PPP1R9A: variants seen among roughly 807,000 people sequenced by gnomAD.
PPP1R9A encodes protein phosphatase 1 regulatory subunit 9A, also known as neurabin-1.
In PPP1R9A, 59 loss-of-function variants were observed where a neutral mutation model predicts 141.9. The observed-to-expected ratio is 0.42, with a 90% CI of 0.34 to 0.52. PPP1R9A has a LOEUF of 0.52. Ranked by LOEUF, PPP1R9A falls within the 20% of genes least tolerant of loss-of-function variation. The pLI is 0.10. For synonymous variants in PPP1R9A, 500 were observed against 569.7 expected (o/e 0.88, Z 1.74); for missense variants, 1,444 against 1,611.9 (o/e 0.90, Z 1.78).
At chr7:95,258,298 G>T (rs1194912097) in intron 12 of PPP1R9A, among the ~76,000 whole-genome samples, 2 of 152,066 alleles carry the variant, frequency 1.3e-5, no homozygotes, top group Non-Finnish European at 2.9e-5. Flanking sequence ...TGTGTCTTTT[G>T]GCTGCATAAA....
intron 2 of PPP1R9A, among the ~76,000 whole-genome samples, chr7:95,110,367 T>G (rs1353737102): frequency 6.6e-6 from 1 of 152,156 alleles, no homozygotes; most frequent in South Asian, 2.1e-4. Context: ...TTATGATTTT[T>G]GGGGGAGCAC....
At chr7:95,023,252 T>C (rs1455566096) in intron 2 of PPP1R9A, among the ~76,000 whole-genome samples, 1 of 152,208 alleles carries the variant, frequency 6.6e-6, no homozygotes, top group African/African-American at 2.4e-5. Flanking sequence ...CTAGATTTTC[T>C]AGTTTATTTT....
intron 16 of PPP1R9A, among the ~76,000 whole-genome samples, 185 bp downstream of exon 16, chr7:95,274,353 C>G (rs1802775078): frequency 6.6e-6 from 1 of 152,134 alleles, no homozygotes; most frequent in African/African-American, 2.4e-5. Flanking sequence ...CTCCATCTAG[C>G]CTTGGGCATA....
intron 3 of PPP1R9A, among the ~76,000 whole-genome samples, chr7:95,116,080 A>G (rs1034159123): frequency 3.9e-5 from 6 of 152,292 alleles, no homozygotes; most frequent in East Asian, 3.9e-4. Context: ...AAAGATGTCA[A>G]TTTGGTAACA....
chr7:95,270,131 C>T lies in PPP1R9A; in HGVS notation c.3124+624C>T, dbSNP rs530436047. On this transcript the variant is annotated intron_variant, in intron 14 of 19. Transcript: ENST00000433360. ...TCATGCTACAGTAGCAGTGTTGAGT[C>T]GTTGTGACAGAGACTGTGTATCTCA... Among the ~76,000 whole-genome samples the T allele has an allele frequency of 2.6e-5, 4 of 151,994 alleles. 1 individual carries two copies. Among genetic ancestry groups the T allele is most frequent in the Admixed American group, 2.0e-4 (3 of 15,250 alleles).
In PPP1R9A at chr7:95,291,436, T is replaced by C. The variant is rs1806343170; in HGVS notation, c.*1133T>C. On this transcript the variant is annotated 3_prime_UTR_variant, in exon 20 of 20. Transcript: ENST00000433360. Reference sequence around the variant, plus strand: ...GAATGGTTTTTCCGAACCATTCCTTTCCATACTTCAAAGATTCTCAATTTT... The same window carrying C: ...GAATGGTTTTTCCGAACCATTCCTTCCCATACTTCAAAGATTCTCAATTTT... 1 of 152,206 alleles carries C rather than the reference T, an allele frequency of 6.6e-6. No homozygotes were observed. The highest frequency in any genetic ancestry group is 2.1e-4 in the South Asian group (1 of 4,830). 9.4% of individuals were successfully genotyped at this position (152,206 alleles called of 1,614,324 possible). A position where few individuals can be genotyped will look rare whatever the true frequency, so the allele number is the denominator to read the frequency against.
chr7:95,170,755 C>T lies in PPP1R9A; in HGVS notation c.1754+8784C>T, dbSNP rs116017255. On this transcript the variant is annotated intron_variant, in intron 5 of 19. Transcript: ENST00000433360. ...CTTTAATAATGTAAATAATATAAAA[C>T]GAAATTCTAGACCTACAGAAGGAAA... Among the ~76,000 whole-genome samples the T allele has an allele frequency of 8.8e-3, 1,335 of 151,154 alleles. 16 individuals are homozygous for T. The highest frequency in any genetic ancestry group is 0.031 in the African/African-American group (1,266 of 41,370).
In PPP1R9A at chr7:95,288,518, G is replaced by C. The variant is rs201633440; in HGVS notation, c.3730-18G>C. ...TATCTTGGTCCTTTAACAACACTACGTAACATTCCTATCTTAGATCCTTGA... is the reference window on the plus strand; with the variant it reads ...TATCTTGGTCCTTTAACAACACTACCTAACATTCCTATCTTAGATCCTTGA... On this transcript the variant is annotated intron_variant, in intron 18 of 19. Coordinates refer to ENST00000433360, the MANE Select transcript of PPP1R9A (RefSeq NM_001166160.2). 4 of 1,612,164 alleles carry C rather than the reference G, an allele frequency of 2.5e-6. No homozygotes were observed. Among genetic ancestry groups the C allele is most frequent in the East Asian group, 2.2e-5 (1 of 44,864 alleles).
intron 2 of PPP1R9A, among the ~76,000 whole-genome samples, chr7:95,063,392 C>A (rs1348677902): frequency 2.6e-5 from 4 of 151,928 alleles, no homozygotes; most frequent in South Asian, 4.2e-4. Flanking sequence ...AGTTAGACCC[C>A]ATCTCTACAA....
At chr7:95,068,045 G>A (rs1281126163) in intron 2 of PPP1R9A, among the ~76,000 whole-genome samples, 1 of 152,116 alleles carries the variant, frequency 6.6e-6, no homozygotes, top group Non-Finnish European at 1.5e-5. Context: ...CATCCTTGTT[G>A]CTAAAGGAAC....
intron 14 of PPP1R9A, 105 bp from the exon 15 acceptor site, chr7:95,273,794 T>C (rs766774300): frequency 2.8e-6 from 3 of 1,060,732 alleles, no homozygotes; most frequent in African/African-American, 1.6e-5. Context: ...TATTTTACAA[T>C]TAGGAATTTA....
At chr7:95,041,086 GTT>G (rs1809161528) in intron 2 of PPP1R9A, among the ~76,000 whole-genome samples, 1 of 152,202 alleles carries the variant, frequency 6.6e-6, no homozygotes, top group South Asian at 2.1e-4. Flanking sequence ...GCAGAGTACA[GTT>G]TGGGAAATGC....
chr7:95,186,986 C>T (rs1378132057), intron 5 of PPP1R9A, among the ~76,000 whole-genome samples: 3 of 151,806 alleles, frequency 2.0e-5, no homozygotes, highest in African/African-American at 7.3e-5. Context: ...TTTGTTCTGT[C>T]CTTTCCTGGT....
chr7:94,977,764 CTTTTTT>C (rs370362125), intron 2 of PPP1R9A, among the ~76,000 whole-genome samples: 3 of 131,364 alleles, frequency 2.3e-5, no homozygotes, highest in African/African-American at 2.8e-5. Flanking sequence ...TTTTCATTTT[CTTTTTT>C]TTTTTTTTTT....
chr7:95,173,312 A>T (rs891222505), intron 5 of PPP1R9A, among the ~76,000 whole-genome samples: 1 of 151,932 alleles, frequency 6.6e-6, no homozygotes, highest in Non-Finnish European at 1.5e-5. Context: ...AATGTTGAAA[A>T]ATTATCTGTT....
At chr7:95,283,045 G>A (rs1052169840) in intron 16 of PPP1R9A, among the ~76,000 whole-genome samples, 2 of 152,144 alleles carry the variant, frequency 1.3e-5, no homozygotes, top group Admixed American at 1.3e-4. Context: ...GAATCTCTGT[G>A]TTATCGTGGT....
chr7:95,262,816 T>G (rs1219320290), intron 12 of PPP1R9A, among the ~76,000 whole-genome samples: 1 of 152,218 alleles, frequency 6.6e-6, no homozygotes. Context: ...GCAAATTAAA[T>G]GTATAGCTCA....
At position 95,103,160 on chromosome 7, in the gene PPP1R9A, A is replaced by G. The variant is rs114816526; in HGVS notation, c.1396-8099A>G. 3.5e-3 allele frequency among the ~76,000 whole-genome samples: 534 copies of G among 152,188 alleles called. 6 individuals carry two copies. Among genetic ancestry groups the G allele is most frequent in the African/African-American group, 0.012 (508 of 41,514 alleles). ...CTACCCTGCAGATTTTGGATTTGCTAGTCCCTACTGTCATATGAGACAATT... is the reference window on the plus strand; with the variant it reads ...CTACCCTGCAGATTTTGGATTTGCTGGTCCCTACTGTCATATGAGACAATT... On this transcript the variant is annotated intron_variant, in intron 2 of 19. Transcript: ENST00000433360.
At chr7:95,102,377 A>C (rs1454475413) in intron 2 of PPP1R9A, among the ~76,000 whole-genome samples, 1 of 152,188 alleles carries the variant, frequency 6.6e-6, no homozygotes, top group African/African-American at 2.4e-5. Context: ...GAATAGTTGA[A>C]GACTTGTCAT....
Sources: gnomAD v4.1 joint callset for allele counts (sites outside exome capture counted in the v4.1 genomes callset) on GRCh38, gnomAD v4.1.1 for gene constraint, MANE v1.5 for transcripts, NCBI Gene and HGNC (gene_info 2026-07-23, HGNC 2026-07-21) for gene names.